The following ZNF366 variants were observed in gnomAD, a reference collection of about 807,000 sequenced individuals.
ZNF366 encodes the protein dendritic cell-specific transcript protein.
In ZNF366, 20 loss-of-function variants were observed where a neutral mutation model predicts 47.2. That is an observed-to-expected ratio of 0.42 (90% CI 0.30 to 0.62). The LOEUF (loss-of-function observed/expected upper bound fraction) is 0.62, where lower values mean the gene tolerates loss of function less well. Among genes scored for constraint, ZNF366 ranks in the 20% least tolerant of loss-of-function variants. The pLI, the probability that ZNF366 is intolerant of heterozygous loss-of-function variation, is 0.16. For missense variants in ZNF366, 987 were observed against 976.3 expected (o/e 1.01, Z -0.15); for synonymous variants, 421 against 395.1 (o/e 1.07, Z -0.78).
rs6897595 is a variant in ZNF366, at chr5:72,488,556, T to A, written c.-15+18695A>T. Among the ~76,000 whole-genome samples, 1,226 of 152,344 alleles carry A rather than the reference T, an allele frequency of 8.0e-3. 17 individuals are homozygous for A. The highest frequency in any genetic ancestry group is 0.028 in the African/African-American group (1,145 of 41,578). On this transcript the variant is annotated intron_variant, in intron 1 of 4. Coordinates refer to ENST00000318442, the MANE Select transcript of ZNF366 (RefSeq NM_152625.3). ...TTAAAAAGAAAAATCTAGCATGTGT[T>A]CAAAGATACCGCTTCTTTTCATATG...
chr5:72,453,019 A>G (rs1026361043), intron 3 of ZNF366, among the ~76,000 whole-genome samples: 3 of 152,210 alleles, frequency 2.0e-5, no homozygotes, highest in Non-Finnish European at 4.4e-5. Context: ...TAACTTTTTT[A>G]TAAGGAAAAA....
rs756649561 is a variant in ZNF366 at position 72,444,231 on chromosome 5, T to C, written c.1760A>G (p.Gln587Arg). Residue 587 changes from glutamine to arginine, a missense_variant, in exon 5 of 5, where the codon CAG (glutamine) becomes CGG (arginine). Gln to Arg is a conservative substitution (Grantham distance 43, BLOSUM62 1). This residue lies in a region of ZNF366 where 285 missense variants were observed against 234.8 expected (regional missense o/e 1.21). Coordinates refer to ENST00000318442, the MANE Select transcript of ZNF366 (RefSeq NM_152625.3). ...CTGAGAGAGGTCAAAGGGCTCCTCC[T>C]GCTCCAGACTCCTCAGGACACCGGC... ...QTAGVLRSLE[Q>R]EEPFDLSQKR... is the part of the protein sequence containing the mutation. 26 of 1,613,528 alleles carry C rather than the reference T, an allele frequency of 1.6e-5. 1 individual carries two copies. In the South Asian group the frequency reaches 2.7e-4, roughly 17 times the overall value.
In ZNF366 at chr5:72,489,993, C is replaced by T. The variant is rs567130067; in HGVS notation, c.-15+17258G>A. 7.6e-4 allele frequency among the ~76,000 whole-genome samples: 116 copies of T among 152,344 alleles called. 1 individual carries two copies. Among genetic ancestry groups the T allele is most frequent in the Non-Finnish European group, 1.5e-3 (101 of 68,038 alleles). ...TAGCAGGTTATCTGTCTGGAGGGAG[C>T]TGCAGTCCTTGATCTGCTTAGTACC... On this transcript the variant is annotated intron_variant, in intron 1 of 4. Transcript: ENST00000318442.
At position 72,501,709 on chromosome 5, in the gene ZNF366, G is replaced by C. The variant is rs1022383658; in HGVS notation, c.-15+5542C>G. 2.6e-5 allele frequency among the ~76,000 whole-genome samples: 4 copies of C among 152,274 alleles called. No individual in the cohort carries two copies. The East Asian group carries it at 5.8e-4, about 22-fold the overall frequency. On this transcript the variant is annotated intron_variant, in intron 1 of 4. Transcript: ENST00000318442. The stretch of plus-strand genomic sequence containing the variant: ...GAGCTGAACACTTCCTACAAGGCTG[G>C]ATCCTGGCTCACAGCTCTTTTAGTC...
At position 72,440,330 on chromosome 5, in the gene ZNF366, A is replaced by G. The variant is rs973766845; in HGVS notation, c.*3426T>C. 1.5e-4 allele frequency: 23 copies of G among 152,248 alleles called. No homozygotes were observed. Among genetic ancestry groups the G allele is most frequent in the Admixed American group, 3.3e-4 (5 of 15,286 alleles). 9.4% of individuals were successfully genotyped at this position (152,248 alleles called of 1,614,324 possible). ...CCGGTGGGGAGTCAAATTTTTAAAA[A>G]GAGAGACAGAAAGAGGAATTGAAAG... On this transcript the variant is annotated 3_prime_UTR_variant, in exon 5 of 5. Transcript: ENST00000318442.
intron 1 of ZNF366, among the ~76,000 whole-genome samples, chr5:72,488,347 A>AT (rs1022565778): frequency 1.3e-5 from 2 of 152,122 alleles, no homozygotes; most frequent in East Asian, 1.9e-4. Flanking sequence ...TTGAACAAAG[A>AT]TTTTTTTTCC....
chr5:72,499,488 T>C (rs1471517670), intron 1 of ZNF366, among the ~76,000 whole-genome samples: 1 of 150,072 alleles, frequency 6.7e-6, no homozygotes, highest in Non-Finnish European at 1.5e-5. Flanking sequence ...CCTTTTTTTT[T>C]TTTTTTTTTT....
chr5:72,453,992 A>T (rs1034489104), intron 3 of ZNF366, among the ~76,000 whole-genome samples: 5 of 152,244 alleles, frequency 3.3e-5, no homozygotes, highest in African/African-American at 1.2e-4. Context: ...AACAGGAAGA[A>T]GCAACCTTTG....
At chr5:72,445,732 C>T (rs1742946645) in intron 4 of ZNF366, among the ~76,000 whole-genome samples, 1 of 152,298 alleles carries the variant, frequency 6.6e-6, no homozygotes, top group South Asian at 2.1e-4. Context: ...GTCTCCCGTC[C>T]TGATGACAGA....
chr5:72,487,751 G>A (rs183768556), intron 1 of ZNF366, among the ~76,000 whole-genome samples: 13 of 152,190 alleles, frequency 8.5e-5, no homozygotes, highest in African/African-American at 3.1e-4. Flanking sequence ...ATAAGTTAGT[G>A]TATCTTTTGG....
intron 1 of ZNF366, among the ~76,000 whole-genome samples, chr5:72,483,926 T>A (rs1369057161): frequency 1.3e-5 from 2 of 148,786 alleles, no homozygotes; most frequent in African/African-American, 4.9e-5. Flanking sequence ...AAGATCTACT[T>A]AAAAAAAAAA....
At chr5:72,489,358 G>A (rs1743960981) in intron 1 of ZNF366, among the ~76,000 whole-genome samples, 1 of 152,178 alleles carries the variant, frequency 6.6e-6, no homozygotes, top group African/African-American at 2.4e-5. Flanking sequence ...TTATATAGTG[G>A]ATATGTAATA....
In ZNF366 at chr5:72,460,802, A is replaced by G. The variant is rs1232171149; in HGVS notation, c.695T>C (p.Val232Ala). The change falls in exon 2 of 5, where the codon GTG (valine) becomes GCG (alanine). Residue 232 changes from valine to alanine, a missense_variant. By Grantham distance (64) the Val-to-Ala change is moderately conservative (BLOSUM62 0). This residue lies in a region of ZNF366 where 591 missense variants were observed against 560.9 expected (regional missense o/e 1.05). Transcript: ENST00000318442. The stretch of plus-strand genomic sequence containing the variant: ...GTCATCGATCTGCACGTTCACGTCC[A>G]CCCTCTCCACCTTCTGCTTGGTCTC... ...SEETKQKVER[V>A]DVNVQIDDSY... 1 of 1,614,004 alleles carries G rather than the reference A, an allele frequency of 6.2e-7. No individual in the cohort carries two copies. Among genetic ancestry groups the G allele is most frequent in the East Asian group, 2.2e-5 (1 of 44,850 alleles).
intron 1 of ZNF366, among the ~76,000 whole-genome samples, chr5:72,469,495 G>A (rs761147231): frequency 6.6e-6 from 1 of 152,342 alleles, no homozygotes; most frequent in South Asian, 2.1e-4. Flanking sequence ...TTTGTGGAAT[G>A]TGTCCAATGA....
chr5:72,444,336 G>C, intron 4 of ZNF366, 45 bp from the exon 5 acceptor site: 1 of 1,558,042 alleles, frequency 6.4e-7, no homozygotes, highest in Non-Finnish European at 8.7e-7. Context: ...GAAATGCTGT[G>C]GAAATGGGAC....
At chr5:72,499,777 C>T (rs990462656) in intron 1 of ZNF366, among the ~76,000 whole-genome samples, 1 of 152,120 alleles carries the variant, frequency 6.6e-6, no homozygotes, top group Non-Finnish European at 1.5e-5. Context: ...CATTAAACAG[C>T]GCTGAAAACC....
At chr5:72,474,625 TTTTC>T (rs1347794211) in intron 1 of ZNF366, among the ~76,000 whole-genome samples, 9 of 151,982 alleles carry the variant, frequency 5.9e-5, no homozygotes, top group Non-Finnish European at 1.2e-4. Context: ...CTTGCTTTCT[TTTTC>T]TTTGTCTCAA....
At chr5:72,468,086 T>C (rs1743471306) in intron 1 of ZNF366, among the ~76,000 whole-genome samples, 1 of 152,222 alleles carries the variant, frequency 6.6e-6, no homozygotes, top group African/African-American at 2.4e-5. Flanking sequence ...TGTCTTAATA[T>C]ATATGAACTT....
In ZNF366 at chr5:72,441,672, G is replaced by C. The variant is rs920732865; in HGVS notation, c.*2084C>G. The C allele has an allele frequency of 6.6e-6, 1 of 152,194 alleles. No individual in the cohort carries two copies. Among genetic ancestry groups the C allele is most frequent in the South Asian group, 2.1e-4 (1 of 4,820 alleles). 9.4% of individuals were successfully genotyped at this position (152,194 alleles called of 1,614,324 possible). A position where few individuals can be genotyped will look rare whatever the true frequency, so the allele number is the denominator to read the frequency against. On this transcript the variant is annotated 3_prime_UTR_variant, in exon 5 of 5. Transcript: ENST00000318442. ...ATGGGTGAGTGATGACAACCAGGTG[G>C]GGCTAATGGGGCAGCACCTTGGCCT...
Sources: gnomAD v4.1 joint callset for allele counts (sites outside exome capture counted in the v4.1 genomes callset) on GRCh38, gnomAD v4.1.1 for gene constraint, gnomAD v4.1.1 regional missense constraint, MANE v1.5 for transcripts, NCBI Gene and HGNC (gene_info 2026-07-23, HGNC 2026-07-21) for gene names.